The following GRAMD4 variants were observed in gnomAD, a reference collection of about 807,000 sequenced individuals.
The protein encoded by GRAMD4 is GRAM domain-containing protein 4.
GRAMD4 carries 25 observed loss-of-function variants against 83.9 expected under a neutral mutation model. The observed-to-expected ratio is 0.30, with a 90% CI of 0.22 to 0.42. The LOEUF (loss-of-function observed/expected upper bound fraction) is 0.42. GRAMD4 is among the 10% of genes least tolerant of loss of function. GRAMD4 has a pLI of 1.00. For missense variants in GRAMD4, 593 were observed against 788.7 expected, an observed-to-expected ratio of 0.75 and a Z score of 2.97; for synonymous variants, 336 against 320.9, an observed-to-expected ratio of 1.05 and a Z score of -0.50.
intron 6 of GRAMD4, among the ~76,000 whole-genome samples, chr22:46,663,528 C>T (rs1294360403): frequency 6.6e-6 from 1 of 152,184 alleles, no homozygotes; most frequent in East Asian, 1.9e-4. Context: ...CTGGGGGTCC[C>T]GAGGGAGCTA....
chr22:46,616,887 T>C, upstream of GRAMD4, among the ~76,000 whole-genome samples: 1 of 24,524 alleles, frequency 4.1e-5, no homozygotes, highest in Middle Eastern at 0.011. Flanking sequence ...GGTTCCCCTG[T>C]GCGTGTAGTT....
chr22:46,601,699 G>A lies in GRAMD4; in HGVS notation c.-50+24409G>A, dbSNP rs115085589. On this transcript the variant is annotated intron_variant, in intron 1 of 1. Transcript: ENST00000431155. The stretch of plus-strand genomic sequence containing the variant: ...TGATCCCAGCCACTCGGGAGGCTGA[G>A]GAGGGAGGATTCCTTAAGCCCAGGA... Among the ~76,000 whole-genome samples the A allele has an allele frequency of 9.3e-3, 1,421 of 152,292 alleles. 26 individuals carry two copies. The highest frequency in any genetic ancestry group is 0.033 in the African/African-American group (1,358 of 41,562).
chr22:46,668,466 C>T (rs986898981), intron 11 of GRAMD4, among the ~76,000 whole-genome samples: 5 of 152,070 alleles, frequency 3.3e-5, no homozygotes, highest in Non-Finnish European at 7.4e-5. Context: ...CAGGGTTGAA[C>T]GCCCCTGGGA....
upstream of GRAMD4, among the ~76,000 whole-genome samples, chr22:46,618,123 C>T (rs991142408): frequency 1.1e-4 from 16 of 151,840 alleles, no homozygotes; most frequent in African/African-American, 3.6e-4. This position sits in a 1 kb window ranked among gnomAD's most constrained non-coding sequence, Gnocchi z 5.8. Flanking sequence ...CTTTGTGTGT[C>T]GCTCCCTCAC....
intron 1 of GRAMD4, among the ~76,000 whole-genome samples, chr22:46,578,773 G>A (rs894925774): frequency 6.6e-6 from 1 of 152,150 alleles, no homozygotes; most frequent in Non-Finnish European, 1.5e-5. Context: ...ACACCCTTCC[G>A]AAGACCCCTG....
At chr22:46,639,365 G>A (rs1236959841) in intron 3 of GRAMD4, among the ~76,000 whole-genome samples, 4 of 147,062 alleles carry the variant, frequency 2.7e-5, no homozygotes, top group Non-Finnish European at 4.5e-5. Flanking sequence ...GTGCACGTAC[G>A]TGCACGTGTG....
chr22:46,635,178 A>T (rs371570373), intron 2 of GRAMD4, among the ~76,000 whole-genome samples: 2 of 84,572 alleles, frequency 2.4e-5, no homozygotes, highest in African/African-American at 4.5e-5. Flanking sequence ...TGTCCTGGGG[A>T]ACCGTGTCCT....
chr22:46,658,579 C>G (rs2082280292), intron 4 of GRAMD4, among the ~76,000 whole-genome samples: 1 of 152,122 alleles, frequency 6.6e-6, no homozygotes, highest in African/African-American at 2.4e-5. Context: ...GCCCCCAGGC[C>G]TGGGGCCAGG....
At chr22:46,591,470 C>T (rs1000106966) in intron 1 of GRAMD4, among the ~76,000 whole-genome samples, 5 of 151,998 alleles carry the variant, frequency 3.3e-5, no homozygotes, top group Non-Finnish European at 4.4e-5. Flanking sequence ...TTCATTTGGA[C>T]GACGTTACTG....
intron 2 of GRAMD4, among the ~76,000 whole-genome samples, chr22:46,630,799 G>A (rs2081759498): frequency 6.6e-6 from 1 of 152,236 alleles, no homozygotes; most frequent in African/African-American, 2.4e-5. Flanking sequence ...GGCACTTTTG[G>A]TGGAAGTGCT....
chr22:46,601,644 A>G (rs970136228), intron 1 of GRAMD4, among the ~76,000 whole-genome samples: 1 of 152,046 alleles, frequency 6.6e-6, no homozygotes, highest in African/African-American at 2.4e-5. Flanking sequence ...AAAAATAAAA[A>G]AATTAGCCAG....
chr22:46,664,476 C>A (rs1004730800), intron 8 of GRAMD4, among the ~76,000 whole-genome samples: 1 of 61,322 alleles, frequency 1.6e-5, no homozygotes, highest in African/African-American at 1.3e-4. Flanking sequence ...GTGCTGGGGC[C>A]AGGAGTACCT....
chr22:46,617,453 G>A (rs979845321), upstream of GRAMD4, among the ~76,000 whole-genome samples: 9 of 149,872 alleles, frequency 6.0e-5, no homozygotes, highest in South Asian at 2.1e-4. Context: ...CCCCCCATAC[G>A]TGTAGGTTCC....
intron 1 of GRAMD4, among the ~76,000 whole-genome samples, chr22:46,610,705 A>G (rs975752195): frequency 6.6e-6 from 1 of 152,234 alleles, no homozygotes; most frequent in African/African-American, 2.4e-5. Flanking sequence ...GGAATCCAGA[A>G]GGGGCTTCCT....
intron 1 of GRAMD4, 33 bp from the exon 2 acceptor site, chr22:46,626,718 G>A (rs2081666199): frequency 9.2e-6 from 13 of 1,410,514 alleles, no homozygotes; most frequent in Admixed American, 3.6e-5. Context: ...TGGAGGTGGC[G>A]AGCGGGAGAG....
intron 16 of GRAMD4, 28 bp downstream of exon 16, chr22:46,674,778 G>C (rs770225555): frequency 1.3e-6 from 2 of 1,506,030 alleles, no homozygotes; most frequent in Non-Finnish European, 1.8e-6. Context: ...GCCCTGTGTG[G>C]CTGCAGGGGA....
At chr22:46,649,140 C>T (rs2082129082) in intron 3 of GRAMD4, among the ~76,000 whole-genome samples, 1 of 152,208 alleles carries the variant, frequency 6.6e-6, no homozygotes, top group Non-Finnish European at 1.5e-5. Context: ...TTATCTGTGC[C>T]ACCTTTGCTT....
intron 1 of GRAMD4, among the ~76,000 whole-genome samples, chr22:46,603,739 A>G (rs2081338870): frequency 6.7e-6 from 1 of 149,798 alleles, no homozygotes; most frequent in Non-Finnish European, 1.5e-5. Context: ...GATGGTCTCG[A>G]TCTCCTGACC....
intron 1 of GRAMD4, among the ~76,000 whole-genome samples, chr22:46,580,509 T>TTCACAC (rs1212955777): frequency 4.9e-4 from 75 of 152,330 alleles, no homozygotes; most frequent in African/African-American, 1.7e-3. Flanking sequence ...AAGGGGACAG[T>TTCACAC]TATGTGAACA....
Sources: gnomAD v4.1 joint callset for allele counts (sites outside exome capture counted in the v4.1 genomes callset) on GRCh38, gnomAD v4.1.1 for gene constraint, Gnocchi (gnomAD v3.1) non-coding constraint, MANE v1.5 for transcripts, NCBI Gene and HGNC (gene_info 2026-07-23, HGNC 2026-07-21) for gene names.